The following PPP2R2D variants were observed in gnomAD, a reference collection of about 807,000 sequenced individuals.
PPP2R2D encodes the protein serine/threonine-protein phosphatase 2A 55 kDa regulatory subunit B delta isoform.
A neutral mutation model predicts 31.1 loss-of-function variants in PPP2R2D; 9 were observed. That is an observed-to-expected ratio of 0.29 (90% confidence interval 0.17 to 0.51). PPP2R2D has a LOEUF of 0.51. Among genes scored for constraint, PPP2R2D ranks in the 20% least tolerant of loss-of-function variants. PPP2R2D has a pLI of 0.98. For missense variants in PPP2R2D, 391 were observed against 465.6 expected, an observed-to-expected ratio of 0.84 and a Z score of 1.48; for synonymous variants, 179 against 172.6, an observed-to-expected ratio of 1.04 and a Z score of -0.29.
chr10:131,914,168 G>C (rs968622660), intron 2 of PPP2R2D, among the ~76,000 whole-genome samples: 22 of 152,204 alleles, frequency 1.4e-4, no homozygotes, highest in Non-Finnish European at 2.9e-5. Context: ...TGGGTGGTGA[G>C]TAAAAGAGTT....
chr10:131,970,752 G>A, the PPP2R2D span: 3 of 1,614,210 alleles, frequency 1.9e-6, no homozygotes, highest in Non-Finnish European at 2.5e-6. This position sits in a 1 kb window ranked among gnomAD's most constrained non-coding sequence, Gnocchi z 4.1. Context: ...CATGCTGAGG[G>A]TGGCCGTGCG....
At position 131,917,208 on chromosome 10, in the gene PPP2R2D, GAC is replaced by G. The variant is rs1239377314; in HGVS notation, c.100+15882_100+15883del. ...TGTAGGGACCTCAGGTGGGTGGAAT[GAC>G]ACAGTGTAGGGACCTCAGGCGGGTG... On this transcript the variant is annotated intron_variant, in intron 2 of 8. Transcript: ENST00000455566. Among the ~76,000 whole-genome samples the G allele has an allele frequency of 2.8e-5, 4 of 142,824 alleles. 1 individual carries two copies. The South Asian group carries it at 9.7e-4, about 35-fold the overall frequency. 93.7% of individuals were successfully genotyped at this position (142,824 alleles called of 152,430 possible).
Position 131,945,638 on chromosome 10 carries a change from T to C in PPP2R2D, c.820+179T>C, listed in dbSNP as rs577008210. The C allele has an allele frequency of 2.3e-4, 160 of 686,314 alleles. 4 individuals are homozygous for C. The South Asian group carries it at 3.1e-3, about 13-fold the overall frequency. 42.5% of individuals were successfully genotyped at this position (686,314 alleles called of 1,614,324 possible). A position where few individuals can be genotyped will look rare whatever the true frequency, so the allele number is the denominator to read the frequency against. On this transcript the variant is annotated intron_variant, in intron 7 of 8. Coordinates refer to ENST00000455566, the MANE Select transcript of PPP2R2D (RefSeq NM_018461.5). The surrounding 1 kb of genome is among the most constrained non-coding windows in gnomAD (Gnocchi z 4.8). ...CCATGCCCAGCTAGTTTTTGTATTT[T>C]TAGTACAGACAGGGTTTCACCATGT...
At chr10:131,946,280 C>T (rs1239871836) in intron 7 of PPP2R2D, among the ~76,000 whole-genome samples, 1 of 152,296 alleles carries the variant, frequency 6.6e-6, no homozygotes, top group East Asian at 1.9e-4. Context: ...AAAGAATGGG[C>T]TTGACTTTAT....
At position 131,940,098 on chromosome 10, in the gene PPP2R2D, A is replaced by G. The variant is rs782316872; in HGVS notation, c.266A>G (p.Glu89Gly). 3.9e-6 allele frequency: 3 copies of G among 779,068 alleles called. No individual in the cohort carries two copies. The highest frequency in any genetic ancestry group is 7.2e-6 in the Non-Finnish European group (3 of 417,448). 48.3% of individuals were successfully genotyped at this position (779,068 alleles called of 1,614,324 possible). A position where few individuals can be genotyped will look rare whatever the true frequency, so the allele number is the denominator to read the frequency against. The change falls in exon 4 of 9, where the codon GAG (glutamate) becomes GGG (glycine). Residue 89 changes from glutamate to glycine, a missense_variant. Around this residue, in one of 3 missense-constraint regions of PPP2R2D, gnomAD observed 105 missense variants for 98.5 expected, o/e 1.07. Transcript: ENST00000455566. ...VYSTFQSHEP[E>G]FDYLKSLEIE... The stretch of plus-strand genomic sequence containing the variant: ...AGCACCTTTCAAAGTCATGAACCGG[A>G]GTTTGACTATTTGAAAAGTCTAGAA...
chr10:131,934,198 C>G (rs1367329889), intron 2 of PPP2R2D, among the ~76,000 whole-genome samples: 1 of 152,080 alleles, frequency 6.6e-6, no homozygotes, highest in African/African-American at 2.4e-5. Flanking sequence ...ACAACCTAGT[C>G]TAGATAAATC....
chr10:131,970,817 G>A, the PPP2R2D span: 1 of 1,614,238 alleles, frequency 6.2e-7, no homozygotes, highest in Non-Finnish European at 8.5e-7. This position sits in a 1 kb window ranked among gnomAD's most constrained non-coding sequence, Gnocchi z 4.1. Context: ...GTCAGCTGAT[G>A]TGTCCTCTGT....
intron 2 of PPP2R2D, among the ~76,000 whole-genome samples, chr10:131,928,164 G>A (rs2036141827): frequency 6.6e-6 from 1 of 152,158 alleles, no homozygotes; most frequent in South Asian, 2.1e-4. Context: ...TAGGGAGGGT[G>A]GACACCAGTT....
chr10:131,934,830 T>C, intron 3 of PPP2R2D: 1 of 513,888 alleles, frequency 1.9e-6, no homozygotes, highest in Non-Finnish European at 3.8e-6. Context: ...GGTGCATTTA[T>C]GTGCTTTCAT....
chr10:131,918,410 A>T (rs1356500489), intron 2 of PPP2R2D, among the ~76,000 whole-genome samples: 1 of 143,754 alleles, frequency 7.0e-6, no homozygotes, highest in Non-Finnish European at 1.5e-5. Context: ...CAATGTAGGG[A>T]TCTCACATGG....
At chr10:131,903,434 T>C (rs1184813228) in intron 2 of PPP2R2D, among the ~76,000 whole-genome samples, 1 of 119,138 alleles carries the variant, frequency 8.4e-6, no homozygotes, top group African/African-American at 3.3e-5. Context: ...GCCATTGCCC[T>C]CCAGCCTGGA....
chr10:131,902,313 C>G (rs1345766146), intron 2 of PPP2R2D, among the ~76,000 whole-genome samples: 1 of 152,280 alleles, frequency 6.6e-6, no homozygotes, highest in Non-Finnish European at 1.5e-5. Flanking sequence ...CCTCAAGTTA[C>G]TAAAAGCCCC....
intron 2 of PPP2R2D, among the ~76,000 whole-genome samples, chr10:131,909,271 A>G (rs2035645775): frequency 6.6e-6 from 1 of 152,154 alleles, no homozygotes. Context: ...TGAATAAAGG[A>G]CTTGAATCGT....
chr10:131,914,131 C>T (rs191222916), intron 2 of PPP2R2D, among the ~76,000 whole-genome samples: 10 of 152,258 alleles, frequency 6.6e-5, no homozygotes, highest in Non-Finnish European at 1.0e-4. Flanking sequence ...CATGTTTAAC[C>T]GCATCTAATG....
intron 2 of PPP2R2D, among the ~76,000 whole-genome samples, chr10:131,922,854 A>C (rs1368733218): frequency 6.6e-6 from 1 of 152,210 alleles, no homozygotes; most frequent in East Asian, 1.9e-4. Flanking sequence ...TGGAAAACAA[A>C]TTTATATCAG....
rs1224584464 is a variant in PPP2R2D at position 131,947,173 on chromosome 10, T to A, written c.821-357T>A. Reference sequence around the variant, plus strand: ...GGACGCGGAGACACTCCTACAGGAATGCGGTGGTGCTGAACCTGGGCACAC... The same window carrying A: ...GGACGCGGAGACACTCCTACAGGAAAGCGGTGGTGCTGAACCTGGGCACAC... On this transcript the variant is annotated intron_variant, in intron 7 of 8. Coordinates refer to ENST00000455566, the MANE Select transcript of PPP2R2D (RefSeq NM_018461.5). The surrounding 1 kb of genome is among the most constrained non-coding windows in gnomAD (Gnocchi z 4.3). Among the ~76,000 whole-genome samples, 1 of 152,202 alleles carries A rather than the reference T, an allele frequency of 6.6e-6. No homozygotes were observed. The highest frequency in any genetic ancestry group is 2.4e-5 in the African/African-American group (1 of 41,458).
At chr10:131,919,116 C>T (rs1389518316) in intron 2 of PPP2R2D, among the ~76,000 whole-genome samples, 1 of 116,926 alleles carries the variant, frequency 8.6e-6, no homozygotes, top group African/African-American at 3.4e-5. Context: ...GCTGGAATGA[C>T]AGTGTAGGGA....
chr10:131,919,364 C>T (rs2035914986), intron 2 of PPP2R2D, among the ~76,000 whole-genome samples: 1 of 110,212 alleles, frequency 9.1e-6, no homozygotes, highest in Non-Finnish European at 1.8e-5. Flanking sequence ...AGGGACCTCA[C>T]GTGGGTGGAA....
intron 2 of PPP2R2D, among the ~76,000 whole-genome samples, chr10:131,907,834 T>C (rs907089806): frequency 1.3e-5 from 2 of 152,040 alleles, no homozygotes; most frequent in Non-Finnish European, 2.9e-5. Context: ...CGTTACATCG[T>C]GAAGTTAAGT....
Sources: allele counts gnomAD v4.1 joint callset (sites outside exome capture counted in the v4.1 genomes callset), GRCh38; gene constraint gnomAD v4.1.1; regional missense constraint gnomAD v4.1.1; non-coding constraint Gnocchi (gnomAD v3.1); transcripts MANE v1.5; gene names NCBI Gene and HGNC (gene_info 2026-07-23, HGNC 2026-07-21).